The following ERVK3-1 variants were observed in gnomAD, a reference collection of about 807,000 sequenced individuals.
The protein encoded by ERVK3-1 is HERV-K(HML6-1).
Position 58,312,586 on chromosome 19 carries a change from C to G in ERVK3-1, c.294+124C>G, listed in dbSNP as rs541826599. 1.8e-4 allele frequency: 72 copies of G among 398,456 alleles called. No homozygotes were observed. Among genetic ancestry groups the G allele is most frequent in the African/African-American group, 1.4e-3 (67 of 48,682 alleles). The allele number at this position is 398,456 out of a possible 1,614,324, so 24.7% of individuals were successfully genotyped here. On this transcript the variant is annotated intron_variant, in intron 3 of 3. Transcript: ENST00000413518. This position sits in a 1 kb window ranked among gnomAD's most constrained non-coding sequence, Gnocchi z 4.7. ...ATATTATGATCAGGGAGCGTGGGCA[C>G]CAGGACCCCTAACTCCGTCTGACAC... is the stretch of plus-strand genomic sequence containing the variant.
At chr19:58,314,940 G>A (rs535153615) in exon 4 of ERVK3-1, 38 of 392,918 alleles carry the variant, frequency 9.7e-5, no homozygotes, top group Middle Eastern at 6.4e-4. Flanking sequence ...GGATGTTGGC[G>A]AACTGACAAA....
intron 2 of ERVK3-1, among the ~76,000 whole-genome samples, chr19:58,307,962 G>A (rs148236089): frequency 1.7e-4 from 26 of 152,290 alleles, no homozygotes; most frequent in South Asian, 1.0e-3. Context: ...GGGAACCTTT[G>A]CCAACAGGAT....
intron 2 of ERVK3-1, chr19:58,306,701 CA>C (rs1191881378): frequency 1.3e-5 from 2 of 152,140 alleles, no homozygotes; most frequent in Non-Finnish European, 2.9e-5. Context: ...ATAGAGACCC[CA>C]GTACAAAAAA....
downstream of ERVK3-1, among the ~76,000 whole-genome samples, chr19:58,316,271 C>G (rs766468451): frequency 6.6e-6 from 1 of 152,212 alleles, no homozygotes; most frequent in Non-Finnish European, 1.5e-5. Flanking sequence ...ACTCTCCACT[C>G]AGCATTGGGT....
At chr19:58,306,925 C>T (rs898132858) in intron 2 of ERVK3-1, among the ~76,000 whole-genome samples, 5 of 152,230 alleles carry the variant, frequency 3.3e-5, no homozygotes, top group African/African-American at 7.2e-5. Flanking sequence ...CAGCACTATG[C>T]GCCTCCCACC....
chr19:58,308,224 T>A (rs891358505), intron 2 of ERVK3-1, among the ~76,000 whole-genome samples: 2 of 152,210 alleles, frequency 1.3e-5, no homozygotes, highest in Non-Finnish European at 2.9e-5. Flanking sequence ...GAAATTTACC[T>A]ATCCCAACCC....
At chr19:58,315,356 C>A (rs1427947534) in exon 4 of ERVK3-1, 1 of 152,228 alleles carries the variant, frequency 6.6e-6, no homozygotes, top group African/African-American at 2.4e-5. Flanking sequence ...ACTGCCTATT[C>A]GCTCTTCCTC....
At chr19:58,315,661 G>T (rs1415140490) in exon 4 of ERVK3-1, 2 of 152,180 alleles carry the variant, frequency 1.3e-5, no homozygotes, top group Admixed American at 6.5e-5. Context: ...TCATGTACAG[G>T]TGTTTGTGTG....
At chr19:58,308,123 G>C (rs551026208) in intron 2 of ERVK3-1, among the ~76,000 whole-genome samples, 2 of 152,330 alleles carry the variant, frequency 1.3e-5, no homozygotes, top group African/African-American at 4.8e-5. Flanking sequence ...ATATTGCTCA[G>C]CTATTGCTTA....
Position 58,312,264 on chromosome 19 carries a change from A to G in ERVK3-1, c.96A>G (p.Pro32=). 1 of 400,218 alleles carries G rather than the reference A, an allele frequency of 2.5e-6. No homozygotes were observed. Among genetic ancestry groups the G allele is most frequent in the East Asian group, 3.6e-5 (1 of 28,074 alleles). The allele number at this position is 400,218 out of a possible 1,614,324, so 24.8% of individuals were successfully genotyped here. A position where few individuals can be genotyped will look rare whatever the true frequency, so the allele number is the denominator to read the frequency against. Residue 32 remains proline, a synonymous_variant, in exon 3 of 4, where the codon CCA becomes CCG. Coordinates refer to ENST00000413518, the Ensembl canonical transcript of ERVK3-1. This position sits in a 1 kb window ranked among gnomAD's most constrained non-coding sequence, Gnocchi z 4.7. Reference sequence around the variant, plus strand: ...ATTCAACCGTGGGCCTGTTACCTCCAGTACGAGCCATGAGCCAGCGGAATC... The same window carrying G: ...ATTCAACCGTGGGCCTGTTACCTCCGGTACGAGCCATGAGCCAGCGGAATC...
Position 58,313,980 on chromosome 19 carries a change from G to A in ERVK3-1, c.295-768G>A, listed in dbSNP as rs1254920042. 2.0e-5 allele frequency among the ~76,000 whole-genome samples: 3 copies of A among 152,210 alleles called. No homozygotes were observed. The highest frequency in any genetic ancestry group is 4.4e-5 in the Non-Finnish European group (3 of 68,044). On this transcript the variant is annotated intron_variant, in intron 3 of 3. Transcript: ENST00000413518. This position sits in a 1 kb window ranked among gnomAD's most constrained non-coding sequence, Gnocchi z 4.5. ...GCCCAATATGTAGAAAATTGGACAT[G>A]TACAGCCAACCAGGCATGGATGCTT... is the stretch of plus-strand genomic sequence containing the variant.
At chr19:58,308,098 T>C (rs1052747965) in intron 2 of ERVK3-1, among the ~76,000 whole-genome samples, 3 of 152,250 alleles carry the variant, frequency 2.0e-5, no homozygotes, top group Non-Finnish European at 2.9e-5. Flanking sequence ...CTTTGGGTTT[T>C]TAAACCTGGG....
At chr19:58,309,458 A>G (rs976109477) in intron 2 of ERVK3-1, 1 of 152,238 alleles carries the variant, frequency 6.6e-6, no homozygotes, top group Non-Finnish European at 1.5e-5. Flanking sequence ...CTTAGGGGAT[A>G]TTAATTGGCT....
intron 1 of ERVK3-1, among the ~76,000 whole-genome samples, chr19:58,305,648 G>T (rs539556156): frequency 6.6e-6 from 1 of 152,186 alleles, no homozygotes; most frequent in Non-Finnish European, 1.5e-5. Flanking sequence ...CCGCTTATGC[G>T]CCCGTGGGAG....
At chr19:58,305,518 ATGG>A (rs1175307655) in intron 1 of ERVK3-1, 73 bp downstream of exon 1, 1 of 152,400 alleles carries the variant, frequency 6.6e-6, no homozygotes, top group East Asian at 1.9e-4. Flanking sequence ...AAGTGTGCTG[ATGG>A]TGGGAGTGAA....
chr19:58,314,535 G>A (rs1057331857), intron 3 of ERVK3-1, among the ~76,000 whole-genome samples: 2 of 149,576 alleles, frequency 1.3e-5, no homozygotes, highest in African/African-American at 2.5e-5. Context: ...GCTGAGGTGG[G>A]AGAATGACGT....
intron 1 of ERVK3-1, among the ~76,000 whole-genome samples, chr19:58,305,648 G>A (rs539556156): frequency 6.6e-6 from 1 of 152,304 alleles, no homozygotes; most frequent in Admixed American, 6.5e-5. Context: ...CCGCTTATGC[G>A]CCCGTGGGAG....
exon 4 of ERVK3-1, chr19:58,315,648 A>G (rs966261423): frequency 3.3e-5 from 5 of 152,200 alleles, no homozygotes. Flanking sequence ...CTGCTGTGAA[A>G]ATTCATGTAC....
Position 58,312,140 on chromosome 19 carries a change from A to G in ERVK3-1, c.-3-26A>G. ...GTCCGGTGGATTTGCTGACGTGGGGACGAGGGTATGCTTGTGTTTTTACAG... is the reference window on the plus strand; with the variant it reads ...GTCCGGTGGATTTGCTGACGTGGGGGCGAGGGTATGCTTGTGTTTTTACAG... On this transcript the variant is annotated intron_variant, in intron 2 of 3. Transcript: ENST00000413518. This position sits in a 1 kb window ranked among gnomAD's most constrained non-coding sequence, Gnocchi z 4.7. 2.5e-6 allele frequency: 1 copy of G among 400,110 alleles called. No individual in the cohort carries two copies. The highest frequency in any genetic ancestry group is 4.4e-6 in the Non-Finnish European group (1 of 226,102). The allele number at this position is 400,110 out of a possible 1,614,324, so 24.8% of individuals were successfully genotyped here. A position where few individuals can be genotyped will look rare whatever the true frequency, so the allele number is the denominator to read the frequency against.
Sources: gnomAD v4.1 joint callset for allele counts (sites outside exome capture counted in the v4.1 genomes callset) on GRCh38, gnomAD v4.1.1 for gene constraint, Gnocchi (gnomAD v3.1) non-coding constraint, MANE v1.5 for transcripts, NCBI Gene and HGNC (gene_info 2026-07-23, HGNC 2026-07-21) for gene names.